CORO7: variants seen among roughly 807,000 people sequenced by gnomAD.
CORO7 encodes the protein coronin 7, also known as coronin-7.
In CORO7, 107 loss-of-function variants were observed where a neutral mutation model predicts 126.6. The observed-to-expected ratio is 0.85, with a 90% CI of 0.72 to 0.99. CORO7 has a LOEUF of 0.99. Ranked by LOEUF, CORO7 falls within the 50% of genes least tolerant of loss-of-function variation. CORO7 has a pLI of 0.00. For synonymous variants in CORO7, 603 were observed against 536.8 expected, an observed-to-expected ratio of 1.12 and a Z score of -1.70; for missense variants, 1,314 against 1,255.8, an observed-to-expected ratio of 1.05 and a Z score of -0.70.
In CORO7 at chr16:4,361,395, G is replaced by A. The variant is rs2054175467; in HGVS notation, c.1653C>T (p.Ala551=). The change falls in exon 17 of 28, where the codon GCC becomes GCT. Residue 551 remains alanine (A), a synonymous_variant. Transcript: ENST00000251166. ...LQNGAAVTDL[A]WDPFDPHRLA... ...GGCGATGGGGGTCAAAGGGGTCCCAGGCCAGATCAGTCACAGCTGCCCCAT... is the reference window on the plus strand; with the variant it reads ...GGCGATGGGGGTCAAAGGGGTCCCAAGCCAGATCAGTCACAGCTGCCCCAT... 3 of 1,611,948 alleles carry A rather than the reference G, an allele frequency of 1.9e-6. No homozygotes were observed. Among genetic ancestry groups the A allele is most frequent in the Admixed American group, 1.7e-5 (1 of 59,676 alleles).
chr16:4,382,459 A>G, intron 9 of CORO7: 1 of 1,608,452 alleles, frequency 6.2e-7, no homozygotes, highest in Non-Finnish European at 8.5e-7. Flanking sequence ...GCTGCGGCCC[A>G]ACGCCACTTA....
chr16:4,408,109 G>A, intron 4 of CORO7, 72 bp downstream of exon 4: 1 of 1,606,970 alleles, frequency 6.2e-7, no homozygotes, highest in Non-Finnish European at 8.5e-7. Context: ...CTGTGGGGAT[G>A]GCGCTGGGGC....
intron 23 of CORO7, 70 bp downstream of exon 23, chr16:4,359,226 C>T (rs1161318412): frequency 1.3e-6 from 2 of 1,489,240 alleles, no homozygotes; most frequent in Non-Finnish European, 1.8e-6. Flanking sequence ...CCTGTACTTG[C>T]CCACATGGCC....
chr16:4,410,052 GCCCTAGTAGCAGAGGGCTCACCA>G (rs1286903816), intron 3 of CORO7, among the ~76,000 whole-genome samples: 1 of 152,164 alleles, frequency 6.6e-6, no homozygotes, highest in East Asian at 1.9e-4. Flanking sequence ...TACTTGAAGA[GCCCTAGTAGCAGAGGGCTCACCA>G]CCTTGCAAGC....
intron 9 of CORO7, among the ~76,000 whole-genome samples, chr16:4,386,952 C>T (rs1334699656): frequency 1.3e-5 from 2 of 152,220 alleles, no homozygotes; most frequent in African/African-American, 2.4e-5. Flanking sequence ...TTGCTGCTCC[C>T]AGAGCCTGGA....
At chr16:4,396,239 C>G (rs2055587112) in intron 6 of CORO7, among the ~76,000 whole-genome samples, 1 of 152,124 alleles carries the variant, frequency 6.6e-6, no homozygotes, top group Non-Finnish European at 1.5e-5. Flanking sequence ...ACCACCACAT[C>G]TGGCTAATTT....
At chr16:4,358,512 G>A (rs370331816) in intron 23 of CORO7, 29 bp from the exon 24 acceptor site, 175 of 1,559,068 alleles carry the variant, frequency 1.1e-4, no homozygotes, top group Non-Finnish European at 1.2e-4. Flanking sequence ...CGGAGCTGCC[G>A]CTGGGACCTA....
In CORO7 at chr16:4,360,880, ACCTCTCCACACTG is replaced by A. The variant is rs2054154691; in HGVS notation, c.1917+50_1917+62del. 6.4e-5 allele frequency: 21 copies of A among 326,238 alleles called. 1 individual carries two copies. The highest frequency in any genetic ancestry group is 9.8e-4 in the Middle Eastern group (1 of 1,024). 20.2% of individuals were successfully genotyped at this position (326,238 alleles called of 1,614,324 possible). On this transcript the variant is annotated intron_variant, in intron 19 of 27. Coordinates refer to ENST00000251166, the MANE Select transcript of CORO7 (RefSeq NM_024535.5). ...CCCGCCACTCCTCACTGCTGGCCCC[ACCTCTCCACACTG>A]CTGGCCCCGCCTCTCCACACTGCTG...
chr16:4,364,562 G>A (rs756402740), intron 13 of CORO7, 35 bp downstream of exon 13: 3 of 1,539,214 alleles, frequency 1.9e-6, no homozygotes, highest in Non-Finnish European at 2.6e-6. Context: ...AGGGACTCGG[G>A]GAGGCTGGGA....
In CORO7 at chr16:4,354,906, G is replaced by C; in HGVS notation, c.*252C>G. On this transcript the variant is annotated 3_prime_UTR_variant, in exon 28 of 28. Transcript: ENST00000251166. Reference sequence around the variant, plus strand: ...CCCAGGGACATGCTGCTGACCCCCCGCCACCCTGCACCCCTGGCCACATGC... The same window carrying C: ...CCCAGGGACATGCTGCTGACCCCCCCCCACCCTGCACCCCTGGCCACATGC... 1 of 438,826 alleles carries C rather than the reference G, an allele frequency of 2.3e-6. No homozygotes were observed. Among genetic ancestry groups the C allele is most frequent in the Non-Finnish European group, 4.0e-6 (1 of 249,436 alleles). 27.2% of individuals were successfully genotyped at this position (438,826 alleles called of 1,614,324 possible). A position where few individuals can be genotyped will look rare whatever the true frequency, so the allele number is the denominator to read the frequency against.
rs149412584 is a variant in CORO7, at chr16:4,354,766, C to T, written c.*392G>A. ...CCAAGGCCCTTGACCAGAACTGGAA[C>T]AGCAGGCAAGATGGGGCAGCGTGGG... On this transcript the variant is annotated 3_prime_UTR_variant, in exon 28 of 28. Transcript: ENST00000251166. 53 of 242,944 alleles carry T rather than the reference C, an allele frequency of 2.2e-4. No homozygotes were observed. Among genetic ancestry groups the T allele is most frequent in the Non-Finnish European group, 2.2e-4 (28 of 126,714 alleles). 15.0% of individuals were successfully genotyped at this position (242,944 alleles called of 1,614,324 possible). A position where few individuals can be genotyped will look rare whatever the true frequency, so the allele number is the denominator to read the frequency against.
intron 11 of CORO7, 38 bp from the exon 12 acceptor site, chr16:4,364,958 A>G: frequency 7.8e-7 from 1 of 1,287,238 alleles, no homozygotes; most frequent in Non-Finnish European, 1.1e-6. Flanking sequence ...CAGGATGGGC[A>G]GGGGAGGGGA....
At chr16:4,369,908 C>T (rs938119529) in intron 9 of CORO7, among the ~76,000 whole-genome samples, 2 of 152,064 alleles carry the variant, frequency 1.3e-5, no homozygotes, top group Non-Finnish European at 2.9e-5. Flanking sequence ...GTTCTAAAGG[C>T]GGGTGGCACC....
intron 6 of CORO7, among the ~76,000 whole-genome samples, chr16:4,400,254 T>A (rs2055750778): frequency 1.3e-5 from 2 of 152,154 alleles, no homozygotes; most frequent in African/African-American, 2.4e-5. Context: ...ATCCCAGCAC[T>A]TCGGGAGGCT....
chr16:4,416,562 G>C lies in CORO7; in HGVS notation c.-44C>G. On this transcript the variant is annotated 5_prime_UTR_variant, in exon 1 of 28. Transcript: ENST00000251166. ...GGACGCGTCTTCGAGGACCCCGGGC[G>C]TCGGGTCTCAGGTGCACGCTGAGCA... 1 of 1,569,986 alleles carries C rather than the reference G, an allele frequency of 6.4e-7. No homozygotes were observed.
At chr16:4,402,992 C>T (rs1469960017) in intron 6 of CORO7, among the ~76,000 whole-genome samples, 1 of 151,712 alleles carries the variant, frequency 6.6e-6, no homozygotes, top group East Asian at 1.9e-4. Flanking sequence ...GCCAGGGGCA[C>T]GGAGGCTTCC....
intron 9 of CORO7, among the ~76,000 whole-genome samples, chr16:4,367,991 T>C (rs771621269): frequency 4.0e-5 from 6 of 151,746 alleles, no homozygotes; most frequent in Non-Finnish European, 7.4e-5. Flanking sequence ...TTGAGCCCAG[T>C]AGGTCAACAC....
rs149542728 is a variant in CORO7, at chr16:4,406,552, G to T, written c.487+949C>A. Among the ~76,000 whole-genome samples the T allele has an allele frequency of 4.8e-3, 732 of 152,134 alleles. 4 individuals are homozygous for T. The highest frequency in any genetic ancestry group is 0.017 in the African/African-American group (705 of 41,496). On this transcript the variant is annotated intron_variant, in intron 5 of 27. Coordinates refer to ENST00000251166, the MANE Select transcript of CORO7 (RefSeq NM_024535.5). ...TGGGCTCAAGCGATCCTCCCATTTT[G>T]GCATCCCAAAGTGCTGGGATTACAG...
chr16:4,381,670 G>A (rs762921684), intron 9 of CORO7: 1 of 1,605,666 alleles, frequency 6.2e-7, no homozygotes, highest in East Asian at 2.2e-5. Context: ...CGGCCTGGCT[G>A]CCCTGCAGGA....
Sources: gnomAD v4.1 joint callset for allele counts (sites outside exome capture counted in the v4.1 genomes callset) on GRCh38, gnomAD v4.1.1 for gene constraint, MANE v1.5 for transcripts, NCBI Gene and HGNC (gene_info 2026-07-23, HGNC 2026-07-21) for gene names.